Variants in RSF1 observed in about 807,000 individuals in gnomAD.
RSF1 encodes the protein HBV pX-associated protein 8.
RSF1 carries 13 observed loss-of-function variants against 145.2 expected under a neutral mutation model. That is an observed-to-expected ratio of 0.09 (90% CI 0.06 to 0.14). The LOEUF (loss-of-function observed/expected upper bound fraction) is 0.14. RSF1 is among the 10% of genes least tolerant of loss of function. The probability of loss-of-function intolerance (pLI) is 1.00; values close to 1 mark genes in which losing one functional copy is unlikely to be tolerated. For missense variants in RSF1, 1,517 were observed against 1,718.2 expected (o/e 0.88, Z 2.07); for synonymous variants, 577 against 592.6 (o/e 0.97, Z 0.38).
chr11:77,859,061 T>C, the RSF1 span, among the ~76,000 whole-genome samples: 2 of 152,306 alleles, frequency 1.3e-5, no homozygotes, highest in East Asian at 3.9e-4. Context: ...AGTGAAAGGT[T>C]TGGTGAAGGG....
rs1056336821 is a variant in RSF1, at chr11:77,685,109, G to C, written c.2951C>G (p.Pro984Arg). ...CATTACAAATCAGAAACTTACTTGT[G>C]GAGGAATGATGTTTTCAATACTGAT... Reference protein sequence around the residue: ...VGISIENIIPPQEPDFSEDQE... With the variant: ...VGISIENIIPRQEPDFSEDQE... Residue 984 changes from proline to arginine, a missense_variant, in exon 10 of 16, where the codon CCA becomes CGA. By Grantham distance (103) the Pro-to-Arg change is moderately radical (BLOSUM62 -2). Transcript: ENST00000308488. 6.5e-7 allele frequency: 1 copy of C among 1,534,216 alleles called. No homozygotes were observed. Among genetic ancestry groups the C allele is most frequent in the Non-Finnish European group, 8.8e-7 (1 of 1,138,308 alleles).
At chr11:77,837,727 C>A in the RSF1 span, among the ~76,000 whole-genome samples, 1 of 152,150 alleles carries the variant, frequency 6.6e-6, no homozygotes, top group Non-Finnish European at 1.5e-5. Context: ...TGAACCACCA[C>A]GCCCAGCCCT....
the RSF1 span, among the ~76,000 whole-genome samples, chr11:77,836,070 T>C: frequency 6.6e-6 from 1 of 152,232 alleles, no homozygotes; most frequent in Non-Finnish European, 1.5e-5. Context: ...CTCTCCAATC[T>C]TGATGTTGTT....
chr11:77,835,243 C>T, the RSF1 span, among the ~76,000 whole-genome samples: 1 of 152,116 alleles, frequency 6.6e-6, no homozygotes, highest in African/African-American at 2.4e-5. Context: ...CCCTTTGCCC[C>T]GTCCCACTTT....
intron 1 of RSF1, among the ~76,000 whole-genome samples, chr11:77,789,314 C>G (rs745585817): frequency 1.3e-5 from 2 of 152,158 alleles, no homozygotes; most frequent in African/African-American, 4.8e-5. Context: ...GGGAGCTTGT[C>G]CTGGGTTCCA....
At chr11:77,776,694 C>T (rs1257906682) in intron 1 of RSF1, among the ~76,000 whole-genome samples, 4 of 152,136 alleles carry the variant, frequency 2.6e-5, no homozygotes, top group Non-Finnish European at 4.4e-5. Flanking sequence ...TATTTGAGGG[C>T]TAGCCAGCCA....
At chr11:77,787,680 A>C (rs1402356835) in intron 1 of RSF1, among the ~76,000 whole-genome samples, 4 of 152,164 alleles carry the variant, frequency 2.6e-5, no homozygotes. Flanking sequence ...ATGCTAAATA[A>C]TCAATCTCTT....
chr11:77,808,982 G>C (rs1182768869), intron 1 of RSF1, among the ~76,000 whole-genome samples: 1 of 152,176 alleles, frequency 6.6e-6, no homozygotes, highest in Non-Finnish European at 1.5e-5. Flanking sequence ...CACAACCATA[G>C]TACTGTGGAT....
chr11:77,779,446 G>T (rs1242620857), intron 1 of RSF1, among the ~76,000 whole-genome samples: 1 of 151,112 alleles, frequency 6.6e-6, no homozygotes, highest in African/African-American at 2.4e-5. Flanking sequence ...GCAATGGCGC[G>T]ATCTTGGCTC....
At chr11:77,719,797 G>A (rs1253474009) in intron 5 of RSF1, among the ~76,000 whole-genome samples, 1 of 152,124 alleles carries the variant, frequency 6.6e-6, no homozygotes, top group Non-Finnish European at 1.5e-5. Context: ...CTACAACATG[G>A]ATGTTGTAAT....
intron 1 of RSF1, among the ~76,000 whole-genome samples, chr11:77,803,604 C>T (rs943666684): frequency 6.6e-6 from 1 of 151,378 alleles, no homozygotes; most frequent in Non-Finnish European, 1.5e-5. Context: ...CATGGTGAAA[C>T]CCTGTCTCTA....
At chr11:77,703,492 T>C (rs988588270) in intron 5 of RSF1, 2 of 152,180 alleles carry the variant, frequency 1.3e-5, no homozygotes, top group African/African-American at 4.8e-5. Context: ...TAAATTTTTT[T>C]CCTAAAATTT....
chr11:77,701,212 A>T lies in RSF1; in HGVS notation c.2017T>A (p.Ser673Thr). The T allele has an allele frequency of 1.2e-6, 2 of 1,614,128 alleles. No individual in the cohort carries two copies. The highest frequency in any genetic ancestry group is 1.7e-6 in the Non-Finnish European group (2 of 1,180,028). Reference protein sequence around the residue: ...KVDLETLKEDSEFTKVEMDNL... With the variant: ...KVDLETLKEDTEFTKVEMDNL... ...TCCATTTCTACCTTTGTGAACTCAG[A>T]ATCCTCTTTTAGGGTTTCTAGGTCT... Residue 673 changes from serine to threonine, a missense_variant, in exon 6 of 16, where the codon TCT becomes ACT. By Grantham distance (58) the Ser-to-Thr change is moderately conservative. Coordinates refer to ENST00000308488, the MANE Select transcript of RSF1 (RefSeq NM_016578.4).
the RSF1 span, among the ~76,000 whole-genome samples, chr11:77,843,899 G>T: frequency 0.13 from 19,677 of 152,098 alleles, 1,452 homozygotes; most frequent in Admixed American, 0.19. Flanking sequence ...TACATGGATG[G>T]TGGCAGGCAA....
intron 7 of RSF1, 74 bp from the exon 8 acceptor site, chr11:77,693,685 ATC>A (rs1960212293): frequency 2.0e-6 from 2 of 977,910 alleles, no homozygotes; most frequent in Non-Finnish European, 3.2e-6. Context: ...ACGTTTCAAT[ATC>A]TCTGAGTACT....
At chr11:77,714,909 A>G (rs1287886542) in intron 5 of RSF1, among the ~76,000 whole-genome samples, 1 of 152,160 alleles carries the variant, frequency 6.6e-6, no homozygotes, top group Non-Finnish European at 1.5e-5. Context: ...GGATTCCTTG[A>G]GGCCAGGAGT....
At chr11:77,819,796 T>G (rs771185711) in intron 1 of RSF1, among the ~76,000 whole-genome samples, 1 of 151,944 alleles carries the variant, frequency 6.6e-6, no homozygotes, top group African/African-American at 2.4e-5. Context: ...AGGAGAACTA[T>G]GGAGGAGGAA....
chr11:77,793,351 G>T (rs770733502), intron 1 of RSF1, among the ~76,000 whole-genome samples: 18 of 152,130 alleles, frequency 1.2e-4, no homozygotes, highest in African/African-American at 4.3e-4. Flanking sequence ...CAGGCGTGGT[G>T]GCCTGCACCT....
intron 1 of RSF1, among the ~76,000 whole-genome samples, chr11:77,791,494 C>T (rs867324275): frequency 2.6e-4 from 39 of 152,304 alleles, no homozygotes; most frequent in African/African-American, 8.2e-4. Context: ...TTCAATTTCT[C>T]CTTAGAAAAT....
Sources: gnomAD v4.1 joint callset for allele counts (sites outside exome capture counted in the v4.1 genomes callset) on GRCh38, gnomAD v4.1.1 for gene constraint, MANE v1.5 for transcripts, NCBI Gene and HGNC (gene_info 2026-07-23, HGNC 2026-07-21) for gene names.